Variants in LRTM3 observed in about 807,000 individuals in gnomAD.
The protein encoded by LRTM3 is leucine-rich repeat transmembrane protein 3.
the LRTM3 span, chr13:102,737,684 T>G: frequency 6.4e-7 from 1 of 1,550,772 alleles, no homozygotes; most frequent in South Asian, 1.2e-5. Flanking sequence ...ATCCTCTTCT[T>G]TCTGTTGCAT....
the LRTM3 span, among the ~76,000 whole-genome samples, chr13:102,755,905 G>A: frequency 0.022 from 628 of 28,226 alleles, 3 homozygotes; most frequent in South Asian, 0.035. Flanking sequence ...ATATATATGT[G>A]TGTGTGTGTG....
chr13:102,733,684 A>G, the LRTM3 span: 1,330 of 1,551,200 alleles, frequency 8.6e-4, 12 homozygotes, highest in African/African-American at 0.015. Flanking sequence ...GCCTTTTCCC[A>G]CTTCTTATGG....
chr13:102,749,884 A>G, the LRTM3 span: 1 of 1,551,456 alleles, frequency 6.4e-7, no homozygotes. Context: ...TTGAGCATTG[A>G]TAAGTAGTTC....
chr13:102,735,220 T>A, the LRTM3 span: 1 of 1,551,372 alleles, frequency 6.4e-7, no homozygotes, highest in Non-Finnish European at 8.7e-7. Context: ...TCAAATACAT[T>A]TTGTTGGGAT....
At chr13:102,744,417 C>T in the LRTM3 span, 2 of 1,549,954 alleles carry the variant, frequency 1.3e-6, no homozygotes, top group Non-Finnish European at 1.7e-6. Flanking sequence ...CAAGGGGTAT[C>T]ACGTGGTATT....
At chr13:102,734,266 C>G in the LRTM3 span, 2 of 1,551,358 alleles carry the variant, frequency 1.3e-6, no homozygotes, top group Non-Finnish European at 1.7e-6. Context: ...CACTCCTTGC[C>G]TCTGCATCTG....
chr13:102,735,366 A>G, the LRTM3 span: 1 of 1,551,246 alleles, frequency 6.4e-7, no homozygotes, highest in Non-Finnish European at 8.7e-7. Flanking sequence ...CCTGCATCTG[A>G]TGATTCCTTG....
chr13:102,729,792 C>G, the LRTM3 span: 3 of 1,551,708 alleles, frequency 1.9e-6, no homozygotes, highest in Non-Finnish European at 2.6e-6. Context: ...TCACGTTTCC[C>G]TTTGCTGTGT....
the LRTM3 span, among the ~76,000 whole-genome samples, chr13:102,751,339 T>G: frequency 1.1e-3 from 112 of 106,542 alleles, no homozygotes; most frequent in African/African-American, 3.0e-3. Flanking sequence ...CTCTCTCTCT[T>G]TATACACACA....
At chr13:102,734,555 G>A in the LRTM3 span, 1 of 1,551,144 alleles carries the variant, frequency 6.4e-7, no homozygotes. Context: ...AGTTATATCT[G>A]TGCCTCTCAT....
At chr13:102,729,801 G>A in the LRTM3 span, 146 of 1,551,786 alleles carry the variant, frequency 9.4e-5, no homozygotes, top group Middle Eastern at 5.0e-4. Flanking sequence ...CCTTTGCTGT[G>A]TGTACAACTG....
At chr13:102,743,147 T>A in the LRTM3 span, 1 of 1,550,530 alleles carries the variant, frequency 6.4e-7, no homozygotes. Flanking sequence ...AAGATGTTCT[T>A]GCTTCTCTTC....
the LRTM3 span, chr13:102,742,640 C>T: frequency 1.9e-6 from 3 of 1,550,608 alleles, no homozygotes; most frequent in South Asian, 2.4e-5. Flanking sequence ...CTTATTATTG[C>T]TTACAACAGC....
chr13:102,745,647 A>G, the LRTM3 span: 1 of 1,550,802 alleles, frequency 6.4e-7, no homozygotes, highest in Non-Finnish European at 8.7e-7. Context: ...GGTGTAGATA[A>G]AGCAGGCATG....
At chr13:102,733,120 A>G in the LRTM3 span, 5 of 1,551,272 alleles carry the variant, frequency 3.2e-6, no homozygotes, top group Admixed American at 9.8e-5. Context: ...TCTGCTTTCC[A>G]CTTTGAAGGG....
At chr13:102,750,408 T>C in the LRTM3 span, 2 of 1,322,064 alleles carry the variant, frequency 1.5e-6, no homozygotes, top group Non-Finnish European at 2.1e-6. Flanking sequence ...AAGAAAACAG[T>C]GTACAAATGA....
the LRTM3 span, chr13:102,740,253 T>C: frequency 6.5e-7 from 1 of 1,549,790 alleles, no homozygotes; most frequent in Non-Finnish European, 8.7e-7. Flanking sequence ...TTTATAGTTT[T>C]ATGGTATGAT....
the LRTM3 span, chr13:102,738,919 A>G: frequency 3.9e-6 from 6 of 1,550,652 alleles, no homozygotes; most frequent in South Asian, 7.1e-5. Context: ...TTTTTTCCAA[A>G]GCCTTTTCCA....
At chr13:102,743,193 C>T in the LRTM3 span, 77 of 1,550,476 alleles carry the variant, frequency 5.0e-5, no homozygotes, top group Non-Finnish European at 6.5e-5. Context: ...GCTCCCTTTA[C>T]CAAGTTGGAA....
Sources: allele counts gnomAD v4.1 joint callset (sites outside exome capture counted in the v4.1 genomes callset), GRCh38; gene constraint gnomAD v4.1.1; transcripts MANE v1.5; gene names NCBI Gene and HGNC (gene_info 2026-07-23, HGNC 2026-07-21).